PPEF2: variants seen among roughly 807,000 people sequenced by gnomAD.
PPEF2 encodes the protein protein phosphatase with EF-hand domain 2.
A neutral mutation model predicts 84.7 loss-of-function variants in PPEF2; 84 were observed. The ratio of observed to expected loss-of-function variants is 0.99; its 90% confidence interval spans 0.83 to 1.19. PPEF2 has a LOEUF of 1.19. Among genes scored for constraint, PPEF2 ranks in the 50% most tolerant of loss-of-function variants. The probability of loss-of-function intolerance (pLI) is 0.00; values close to 1 mark genes in which losing one functional copy is unlikely to be tolerated. For missense variants in PPEF2, 924 were observed against 937.5 expected (o/e 0.99, Z 0.19); for synonymous variants, 346 against 345.2 (o/e 1.00, Z -0.03).
chr4:75,888,921 A>G (rs1269087455), intron 5 of PPEF2, among the ~76,000 whole-genome samples: 1 of 152,242 alleles, frequency 6.6e-6, no homozygotes, highest in Non-Finnish European at 1.5e-5. Context: ...ATTTTAAAAA[A>G]CAAGTCAGGG....
chr4:75,892,353 G>A (rs181482035), intron 2 of PPEF2, among the ~76,000 whole-genome samples: 125 of 152,206 alleles, frequency 8.2e-4, no homozygotes, highest in African/African-American at 2.9e-3. Flanking sequence ...GTTATAATGC[G>A]GGGGTGGGGT....
In PPEF2 at chr4:75,876,431, G is replaced by C. The variant is rs765955252; in HGVS notation, c.1176C>G (p.Ser392Arg). Reference protein sequence around the residue: ...DGRELSRQVRSSVELELERCR... With the variant: ...DGRELSRQVRRSVELELERCR... ...ACCGCTCTAGCTCCAGTTCCACGGA[G>C]CTCCGCACCTGCCGGGAGAGCTCCC... is the stretch of plus-strand genomic sequence containing the variant. Residue 392 changes from serine (S) to arginine (R), a missense_variant, in exon 11 of 17, where the codon AGC becomes AGG. Physicochemically the swap from Ser to Arg is moderately radical, Grantham distance 110 (BLOSUM62 -1). Coordinates refer to ENST00000286719, the MANE Select transcript of PPEF2 (RefSeq NM_006239.3). The C allele has an allele frequency of 6.2e-7, 1 of 1,614,178 alleles. No homozygotes were observed. Among genetic ancestry groups the C allele is most frequent in the East Asian group, 2.2e-5 (1 of 44,866 alleles).
chr4:75,871,950 GT>G, intron 13 of PPEF2, 74 bp downstream of exon 13: 1 of 1,422,784 alleles, frequency 7.0e-7, no homozygotes, highest in South Asian at 1.4e-5. Flanking sequence ...TAAATATAAC[GT>G]TTGACACTTC....
At chr4:75,890,178 T>G (rs374066789) in intron 4 of PPEF2, 46 bp from the exon 5 acceptor site, 2 of 1,601,874 alleles carry the variant, frequency 1.2e-6, no homozygotes, top group South Asian at 2.2e-5. Flanking sequence ...CATCTGATCA[T>G]GCAGTCTGTG....
Position 75,873,460 on chromosome 4 carries a change from T to C in PPEF2, c.1321-148A>G, listed in dbSNP as rs1724334415. The C allele has an allele frequency of 6.2e-6, 5 of 806,860 alleles. No individual in the cohort carries two copies. In the Admixed American group the frequency reaches 9.2e-5, roughly 15 times the overall value. 50.0% of individuals were successfully genotyped at this position (806,860 alleles called of 1,614,324 possible). The stretch of plus-strand genomic sequence containing the variant: ...GCAAGCAATATTTGACATACATTTA[T>C]ATTTTGGACCTCTAAGGTTCCAGAA... On this transcript the variant is annotated intron_variant, in intron 11 of 16. Coordinates refer to ENST00000286719, the MANE Select transcript of PPEF2 (RefSeq NM_006239.3).
chr4:75,866,171 C>G lies in PPEF2; in HGVS notation c.1920+18G>C. 6.3e-7 allele frequency: 1 copy of G among 1,599,968 alleles called. No individual in the cohort carries two copies. Among genetic ancestry groups the G allele is most frequent in the Non-Finnish European group, 8.5e-7 (1 of 1,171,850 alleles). On this transcript the variant is annotated intron_variant, in intron 15 of 16. Coordinates refer to ENST00000286719, the MANE Select transcript of PPEF2 (RefSeq NM_006239.3). Reference sequence around the variant, plus strand: ...CATAGTCCACATGTGCTCTCATCCACCATTACCACACCGTTACCTCGCGAC... The same window carrying G: ...CATAGTCCACATGTGCTCTCATCCAGCATTACCACACCGTTACCTCGCGAC...
chr4:75,901,668 A>C lies in PPEF2; in HGVS notation c.-59+562T>G, dbSNP rs183409256. 1.6e-4 allele frequency among the ~76,000 whole-genome samples: 25 copies of C among 152,366 alleles called. No individual in the cohort carries two copies. The East Asian group carries it at 4.6e-3, about 28-fold the overall frequency. On this transcript the variant is annotated intron_variant, in intron 1 of 16. Transcript: ENST00000286719. ...TGAATCAGCACCTTTGGTAATCACC[A>C]GCTGTCTTCTCCCCCTGATGATTTC...
Position 75,896,279 on chromosome 4 carries a change from G to A in PPEF2, c.47C>T (p.Ala16Val). The change falls in exon 2 of 17, where the codon GCA (alanine) becomes GTA (valine). Residue 16 changes from alanine (A) to valine (V), a missense_variant. By Grantham distance (64) the Ala-to-Val change is moderately conservative. Coordinates refer to ENST00000286719, the MANE Select transcript of PPEF2 (RefSeq NM_006239.3). Reference protein sequence around the residue: ...STQHHFAFQNAERAFKAAALI... With the variant: ...STQHHFAFQNVERAFKAAALI... ...AAGTGGGAAACACGTACCTCTCTCT[G>A]CATTCTGGAAAGCAAAATGATGTTG... The A allele has an allele frequency of 6.2e-7, 1 of 1,614,084 alleles. No individual in the cohort carries two copies. Among genetic ancestry groups the A allele is most frequent in the Non-Finnish European group, 8.5e-7 (1 of 1,179,950 alleles).
At chr4:75,899,767 A>G (rs1289201248) in intron 1 of PPEF2, among the ~76,000 whole-genome samples, 1 of 107,038 alleles carries the variant, frequency 9.3e-6, no homozygotes, top group Non-Finnish European at 2.0e-5. Context: ...GTGAGAAGCC[A>G]TCATGTCCAA....
At position 75,876,608 on chromosome 4, in the gene PPEF2, T is replaced by C; in HGVS notation, c.999A>G (p.Arg333=). The stretch of plus-strand genomic sequence containing the variant: ...CCTGTGCAGAGCTCTTCTGGTTGGC[T>C]CTTCTCTTCTCCTCCATCTGCTTCT... ...KSEKQMEEKR[R]ANQKSSAQGP... The change falls in exon 11 of 17, where the codon AGA becomes AGG. Residue 333 remains arginine, a synonymous_variant. Transcript: ENST00000286719. The C allele has an allele frequency of 6.2e-7, 1 of 1,605,066 alleles. No individual in the cohort carries two copies. Among genetic ancestry groups the C allele is most frequent in the South Asian group, 1.1e-5 (1 of 89,684 alleles).
At chr4:75,892,422 G>A (rs1724911347) in intron 2 of PPEF2, among the ~76,000 whole-genome samples, 2 of 152,142 alleles carry the variant, frequency 1.3e-5, no homozygotes, top group Non-Finnish European at 2.9e-5. Context: ...TCTAGACCTA[G>A]AACTGCCCTG....
intron 10 of PPEF2, among the ~76,000 whole-genome samples, chr4:75,878,718 C>T (rs1338476449): frequency 6.6e-6 from 1 of 152,202 alleles, no homozygotes; most frequent in East Asian, 1.9e-4. Context: ...AACCTTCTTG[C>T]TCCTTGTTGG....
rs979183266 is a variant in PPEF2 at position 75,866,044 on chromosome 4, A to G, written c.1920+145T>C. 2 of 943,784 alleles carry G rather than the reference A, an allele frequency of 2.1e-6. 1 individual carries two copies. Among genetic ancestry groups the G allele is most frequent in the Non-Finnish European group, 3.1e-6 (2 of 642,330 alleles). 58.5% of individuals were successfully genotyped at this position (943,784 alleles called of 1,614,324 possible). A position where few individuals can be genotyped will look rare whatever the true frequency, so the allele number is the denominator to read the frequency against. ...AAACCACTTAACACAAAAGCCTGAC[A>G]CATAGAAACTCAAGAAATAGTTATT... On this transcript the variant is annotated intron_variant, in intron 15 of 16. Transcript: ENST00000286719.
intron 16 of PPEF2, 34 bp downstream of exon 16, chr4:75,864,406 G>A (rs1724078466): frequency 6.8e-7 from 1 of 1,470,668 alleles, no homozygotes; most frequent in East Asian, 2.3e-5. Flanking sequence ...TACTTGCAGT[G>A]CTTCAAAAGT....
chr4:75,893,442 G>C (rs1260502716), intron 2 of PPEF2, among the ~76,000 whole-genome samples: 1 of 152,062 alleles, frequency 6.6e-6, no homozygotes, highest in Non-Finnish European at 1.5e-5. Context: ...AGGTTGCAGT[G>C]AGCCGAGATC....
chr4:75,871,869 C>T (rs1724288481), intron 13 of PPEF2, among the ~76,000 whole-genome samples, 156 bp downstream of exon 13: 1 of 152,162 alleles, frequency 6.6e-6, no homozygotes, highest in Non-Finnish European at 1.5e-5. Flanking sequence ...GACTCCTACT[C>T]TAATGTCTAT....
chr4:75,893,183 C>T (rs976136438), intron 2 of PPEF2, among the ~76,000 whole-genome samples: 1 of 152,210 alleles, frequency 6.6e-6, no homozygotes, highest in African/African-American at 2.4e-5. Flanking sequence ...CACTGACTGA[C>T]TTCTGTAAAA....
At position 75,891,188 on chromosome 4, in the gene PPEF2, A is replaced by AAAAAG. The variant is rs535616291; in HGVS notation, c.241+455_241+459dup. Among the ~76,000 whole-genome samples, 1,070 of 151,468 alleles carry AAAAAG rather than the reference A, an allele frequency of 7.1e-3. 5 individuals are homozygous for AAAAAG. The highest frequency in any genetic ancestry group is 0.017 in the South Asian group (82 of 4,804). On this transcript the variant is annotated intron_variant, in intron 4 of 16. Transcript: ENST00000286719. Reference sequence around the variant, plus strand: ...AGAACGAGACTCTGTCTCAAAAAAAAAAAAGAAAAGAAAAGAAAAGAAAAA... The same window carrying AAAAAG: ...AGAACGAGACTCTGTCTCAAAAAAAAAAAAGAAAAGAAAAGAAAAGAAAAGAAAAA...
intron 16 of PPEF2, among the ~76,000 whole-genome samples, chr4:75,863,966 G>A (rs912704430): frequency 6.6e-6 from 1 of 151,250 alleles, no homozygotes; most frequent in South Asian, 2.1e-4. Context: ...TCCGCCTCCC[G>A]GGTACAAGCA....
Sources: allele counts gnomAD v4.1 joint callset (sites outside exome capture counted in the v4.1 genomes callset), GRCh38; gene constraint gnomAD v4.1.1; transcripts MANE v1.5; gene names NCBI Gene and HGNC (gene_info 2026-07-23, HGNC 2026-07-21).